NYAP1: variants seen among roughly 807,000 people sequenced by gnomAD.
The protein encoded by NYAP1 is neuronal tyrosine-phosphorylated phosphoinositide-3-kinase adapter 1.
In NYAP1, 20 loss-of-function variants were observed where a neutral mutation model predicts 58.6. The observed-to-expected ratio is 0.34, with a 90% CI of 0.24 to 0.50. The LOEUF is 0.50. NYAP1 is among the 20% of genes least tolerant of loss of function. NYAP1 has a pLI of 0.98. For synonymous variants in NYAP1, 572 were observed against 523.1 expected (o/e 1.09, Z -1.27); for missense variants, 1,150 against 1,194.5 (o/e 0.96, Z 0.55).
rs561287387 is a variant in NYAP1 at position 100,486,107 on chromosome 7, C to T, written c.69-714C>T. 5.3e-5 allele frequency among the ~76,000 whole-genome samples: 8 copies of T among 152,128 alleles called. No individual in the cohort carries two copies. Among genetic ancestry groups the T allele is most frequent in the Non-Finnish European group, 1.2e-4 (8 of 68,022 alleles). On this transcript the variant is annotated intron_variant, in intron 2 of 6. Transcript: ENST00000300179. This position sits in a 1 kb window ranked among gnomAD's most constrained non-coding sequence, Gnocchi z 6.2. Reference sequence around the variant, plus strand: ...AGATTAATCAGAGTGATCGCTGCAGCGATCTCTCCCTAATGAAGGGCTAGT... The same window carrying T: ...AGATTAATCAGAGTGATCGCTGCAGTGATCTCTCCCTAATGAAGGGCTAGT...
rs1159433194 is a variant in NYAP1, at chr7:100,490,711, G to A, written c.2140G>A (p.Ala714Thr). The A allele has an allele frequency of 2.6e-6, 4 of 1,516,078 alleles. No homozygotes were observed. Among genetic ancestry groups the A allele is most frequent in the Admixed American group, 2.1e-5 (1 of 47,826 alleles). The allele number at this position is 1,516,078 out of a possible 1,614,324, so 93.9% of individuals were successfully genotyped here. The change falls in exon 5 of 7, where the codon GCC becomes ACC. Residue 714 changes from alanine to threonine, a missense_variant. Physicochemically the swap from Ala to Thr is moderately conservative, Grantham distance 58. Coordinates refer to ENST00000300179, the MANE Select transcript of NYAP1 (RefSeq NM_173564.4). The surrounding 1 kb of genome is among the most constrained non-coding windows in gnomAD (Gnocchi z 4.6). The stretch of plus-strand genomic sequence containing the variant: ...GCCCATTCCCTGCCAGACCTTCCCC[G>A]CCTGCCACCGCAATGGAGGTGACGC... ...ALPIPCQTFP[A>T]CHRNGDFTGG...
chr7:100,487,272 C>A lies in NYAP1; in HGVS notation c.430+90C>A. On this transcript the variant is annotated intron_variant, in intron 3 of 6. Transcript: ENST00000300179. This position sits in a 1 kb window ranked among gnomAD's most constrained non-coding sequence, Gnocchi z 4.1. ...GGGAGGCTTGCCGGGAGGGTTCATT[C>A]AGGGAAGAACCAAGGAAGTGGAAGA... 7.5e-7 allele frequency: 1 copy of A among 1,324,712 alleles called. No homozygotes were observed. Among genetic ancestry groups the A allele is most frequent in the Non-Finnish European group, 1.0e-6 (1 of 1,003,276 alleles). The allele number at this position is 1,324,712 out of a possible 1,614,324, so 82.1% of individuals were successfully genotyped here.
In NYAP1 at chr7:100,489,475, T is replaced by A. The variant is rs201640030; in HGVS notation, c.1754T>A (p.Met585Lys). The A allele has an allele frequency of 6.2e-7, 1 of 1,612,968 alleles. No homozygotes were observed. The highest frequency in any genetic ancestry group is 8.5e-7 in the Non-Finnish European group (1 of 1,179,912). Residue 585 changes from methionine (M) to lysine (K), a missense_variant, in exon 4 of 7, where the codon ATG becomes AAG. Met to Lys is a moderately conservative substitution (Grantham distance 95). Coordinates refer to ENST00000300179, the MANE Select transcript of NYAP1 (RefSeq NM_173564.4). ...TGTGGTGTGGGGGCCCCATCCCCCATGGTCAAGATCCAGCTGCAGGAGCAA... is the reference window on the plus strand; with the variant it reads ...TGTGGTGTGGGGGCCCCATCCCCCAAGGTCAAGATCCAGCTGCAGGAGCAA... Reference protein sequence around the residue: ...KGCGVGAPSPMVKIQLQEQGT... With the variant: ...KGCGVGAPSPKVKIQLQEQGT...
At position 100,490,486 on chromosome 7, in the gene NYAP1, A is replaced by G; in HGVS notation, c.1946-31A>G. On this transcript the variant is annotated intron_variant, in intron 4 of 6. Transcript: ENST00000300179. This position sits in a 1 kb window ranked among gnomAD's most constrained non-coding sequence, Gnocchi z 4.6. Reference sequence around the variant, plus strand: ...GGACAGAATGACGCCTCCAACATGCAGGCACACAGCTCTCCTTGTCATCCC... The same window carrying G: ...GGACAGAATGACGCCTCCAACATGCGGGCACACAGCTCTCCTTGTCATCCC... 2 of 1,552,576 alleles carry G rather than the reference A, an allele frequency of 1.3e-6. No individual in the cohort carries two copies. The highest frequency in any genetic ancestry group is 1.7e-4 in the Middle Eastern group (1 of 5,990).
chr7:100,490,833 C>A lies in NYAP1; in HGVS notation c.2158+104C>A. 1 of 1,177,748 alleles carries A rather than the reference C, an allele frequency of 8.5e-7. No individual in the cohort carries two copies. The highest frequency in any genetic ancestry group is 1.2e-6 in the Non-Finnish European group (1 of 847,048). The allele number at this position is 1,177,748 out of a possible 1,614,324, so 73.0% of individuals were successfully genotyped here. On this transcript the variant is annotated intron_variant, in intron 5 of 6. Transcript: ENST00000300179. The surrounding 1 kb of genome is among the most constrained non-coding windows in gnomAD (Gnocchi z 4.6). ...TTCCTCTCACCTGTTCACGTCTGTGCCCAGGGCCCTAAATCCTCATACCAC... is the reference window on the plus strand; with the variant it reads ...TTCCTCTCACCTGTTCACGTCTGTGACCAGGGCCCTAAATCCTCATACCAC...
intron 6 of NYAP1, among the ~76,000 whole-genome samples, chr7:100,492,601 GA>G (rs769220822): frequency 5.9e-4 from 90 of 152,034 alleles, no homozygotes; most frequent in Non-Finnish European, 1.1e-3. Flanking sequence ...TGTCTCAAAA[GA>G]AATAAAAATA....
chr7:100,488,977 G>C lies in NYAP1; in HGVS notation c.1256G>C (p.Arg419Pro), dbSNP rs376633711. The change falls in exon 4 of 7, where the codon CGG becomes CCG. Residue 419 changes from arginine (R) to proline (P), a missense_variant. Physicochemically the swap from Arg to Pro is moderately radical, Grantham distance 103. Transcript: ENST00000300179. This position sits in a 1 kb window ranked among gnomAD's most constrained non-coding sequence, Gnocchi z 5.9. ...CCACCCCAGGGCTCTGGCCAGCCCC[G>C]GGGGGAGCGGGAGCTCCCCAACTCC... ...PLPPQGSGQP[R>P]GERELPNSHS... 1.9e-6 allele frequency: 3 copies of C among 1,572,928 alleles called. No homozygotes were observed. The highest frequency in any genetic ancestry group is 1.4e-5 in the African/African-American group (1 of 73,750).
chr7:100,489,097 C>G lies in NYAP1; in HGVS notation c.1376C>G (p.Ser459Cys). 1 of 1,573,278 alleles carries G rather than the reference C, an allele frequency of 6.4e-7. No homozygotes were observed. The change falls in exon 4 of 7, where the codon TCT becomes TGT. Residue 459 changes from serine (S) to cysteine (C), a missense_variant. Physicochemically the swap from Ser to Cys is moderately radical, Grantham distance 112. Coordinates refer to ENST00000300179, the MANE Select transcript of NYAP1 (RefSeq NM_173564.4). ...GGCCCCCCCAAGGACAAGGCCGTGTCTTACACCATGGTGTACTCGGCGGTC... is the reference window on the plus strand; with the variant it reads ...GGCCCCCCCAAGGACAAGGCCGTGTGTTACACCATGGTGTACTCGGCGGTC... ...LPGPPKDKAV[S>C]YTMVYSAVKV...
intron 1 of NYAP1, among the ~76,000 whole-genome samples, chr7:100,484,665 A>AC (rs889294306): frequency 2.0e-5 from 3 of 152,002 alleles, no homozygotes; most frequent in Non-Finnish European, 4.4e-5. Flanking sequence ...GGAGAGTCTG[A>AC]CCATCTCCCC....
Position 100,489,351 on chromosome 7 carries a change from C to A in NYAP1, c.1630C>A (p.Pro544Thr), listed in dbSNP as rs758856278. 1.9e-6 allele frequency: 3 copies of A among 1,611,670 alleles called. No homozygotes were observed. In the African/African-American group the frequency reaches 4.0e-5, roughly 22 times the overall value. ...CAGCCTTCCGGACCCAACTGTAGGC[C>A]CCCTGACCCCGCTGTGGACCTACCC... ...PHSLPDPTVGPLTPLWTYPAT... is the reference protein window; with the variant it reads ...PHSLPDPTVGTLTPLWTYPAT... Residue 544 changes from proline (P) to threonine (T), a missense_variant, in exon 4 of 7, where the codon CCC becomes ACC. By Grantham distance (38) the Pro-to-Thr change is conservative. Transcript: ENST00000300179.
In NYAP1 at chr7:100,487,300, C is replaced by A. The variant is rs1296474302; in HGVS notation, c.430+118C>A. 3 of 1,143,452 alleles carry A rather than the reference C, an allele frequency of 2.6e-6. No individual in the cohort carries two copies. The highest frequency in any genetic ancestry group is 3.5e-6 in the Non-Finnish European group (3 of 853,758). 70.8% of individuals were successfully genotyped at this position (1,143,452 alleles called of 1,614,324 possible). ...GGAAGAACCAAGGAAGTGGAAGATT[C>A]CATTCTCAAAAGGAATTGGGGGGGT... On this transcript the variant is annotated intron_variant, in intron 3 of 6. Transcript: ENST00000300179. This position sits in a 1 kb window ranked among gnomAD's most constrained non-coding sequence, Gnocchi z 4.1.
In NYAP1 at chr7:100,494,506, GAGA is replaced by G. The variant is rs1489467271; in HGVS notation, c.*609_*611del. On this transcript the variant is annotated 3_prime_UTR_variant, in exon 7 of 7. Transcript: ENST00000300179. ...GGGGTCTGCATGGGGAGTGGACCGA[GAGA>G]AGAAGGGGCCCAGGGAAGCAGAGGG... is the stretch of plus-strand genomic sequence containing the variant. 1 of 152,334 alleles carries G rather than the reference GAGA, an allele frequency of 6.6e-6. No individual in the cohort carries two copies. The highest frequency in any genetic ancestry group is 1.5e-5 in the Non-Finnish European group (1 of 68,120). 9.4% of individuals were successfully genotyped at this position (152,334 alleles called of 1,614,324 possible). A position where few individuals can be genotyped will look rare whatever the true frequency, so the allele number is the denominator to read the frequency against.
rs1425269235 is a variant in NYAP1 at position 100,490,498 on chromosome 7, C to T, written c.1946-19C>T. On this transcript the variant is annotated intron_variant, in intron 4 of 6. Coordinates refer to ENST00000300179, the MANE Select transcript of NYAP1 (RefSeq NM_173564.4). The surrounding 1 kb of genome is among the most constrained non-coding windows in gnomAD (Gnocchi z 4.6). ...GCCTCCAACATGCAGGCACACAGCT[C>T]TCCTTGTCATCCCAGCAGAGGTCGA... is the stretch of plus-strand genomic sequence containing the variant. The T allele has an allele frequency of 6.4e-7, 1 of 1,566,398 alleles. No individual in the cohort carries two copies. The highest frequency in any genetic ancestry group is 1.7e-4 in the Middle Eastern group (1 of 6,006).
rs1799773691 is a variant in NYAP1 at position 100,490,033 on chromosome 7, AG to A, written c.1945+369del. Among the ~76,000 whole-genome samples the A allele has an allele frequency of 6.6e-6, 1 of 151,930 alleles. No homozygotes were observed. Among genetic ancestry groups the A allele is most frequent in the Admixed American group, 6.6e-5 (1 of 15,256 alleles). ...GGCAACCCATCCAGACAGGAGGGAG[AG>A]GAGAGGGAGGCCCCTACCGTTGCCT... On this transcript the variant is annotated intron_variant, in intron 4 of 6. Transcript: ENST00000300179. The surrounding 1 kb of genome is among the most constrained non-coding windows in gnomAD (Gnocchi z 4.6).
chr7:100,485,334 C>A lies in NYAP1; in HGVS notation c.23C>A (p.Thr8Asn). 1.9e-6 allele frequency: 3 copies of A among 1,601,672 alleles called. No homozygotes were observed. Among genetic ancestry groups the A allele is most frequent in the Non-Finnish European group, 1.7e-6 (2 of 1,173,484 alleles). Residue 8 changes from threonine (T) to asparagine (N), a missense_variant, in exon 2 of 7, where the codon ACC (threonine) becomes AAC (asparagine). Transcript: ENST00000300179. The surrounding 1 kb of genome is among the most constrained non-coding windows in gnomAD (Gnocchi z 5.7). Reference sequence around the variant, plus strand: ...GAGATGAACCTCCTCTACCGAAAAACCAAGCTGGAGTGGAGGCAGCACAAG... The same window carrying A: ...GAGATGAACCTCCTCTACCGAAAAAACAAGCTGGAGTGGAGGCAGCACAAG... Reference protein sequence around the residue: MNLLYRKTKLEWRQHKEE... With the variant: MNLLYRKNKLEWRQHKEE...
chr7:100,493,632 C>A lies in NYAP1; in HGVS notation c.2269-14C>A. On this transcript the variant is annotated splice_polypyrimidine_tract_variant and intron_variant, in intron 6 of 6. Transcript: ENST00000300179. ...CTTACCCGCGTTTTCCTTTCTCCCC[C>A]GCCCGCGGCACAGCCCCACCCCGCG... 1 of 1,558,078 alleles carries A rather than the reference C, an allele frequency of 6.4e-7. No homozygotes were observed. Among genetic ancestry groups the A allele is most frequent in the Non-Finnish European group, 8.6e-7 (1 of 1,160,490 alleles).
chr7:100,485,227 G>T lies in NYAP1; in HGVS notation c.-84-1G>T. The stretch of plus-strand genomic sequence containing the variant: ...CCGTTCTCACCCACCCCGCCCGCCA[G>T]TGGATCCGGGACCCAGGGAGGGCCG... On this transcript the variant is annotated splice_acceptor_variant, in intron 1 of 6. Transcript: ENST00000300179. LOFTEE classifies it low-confidence loss of function (5UTR_SPLICE). This position sits in a 1 kb window ranked among gnomAD's most constrained non-coding sequence, Gnocchi z 5.7. The T allele has an allele frequency of 2.0e-6, 1 of 504,502 alleles. No homozygotes were observed. Among genetic ancestry groups the T allele is most frequent in the Non-Finnish European group, 3.7e-6 (1 of 271,338 alleles). 31.3% of individuals were successfully genotyped at this position (504,502 alleles called of 1,614,324 possible).
At position 100,486,182 on chromosome 7, in the gene NYAP1, T is replaced by C. The variant is rs10261511; in HGVS notation, c.69-639T>C. Among the ~76,000 whole-genome samples the C allele has an allele frequency of 6.2e-4, 95 of 152,180 alleles. No individual in the cohort carries two copies. The highest frequency in any genetic ancestry group is 2.2e-3 in the African/African-American group (90 of 41,520). ...CCCCACACAGCTCTCCTCTCTTCCC[T>C]GCCAGCCGCCCCCCCAACCCTCTGC... On this transcript the variant is annotated intron_variant, in intron 2 of 6. Transcript: ENST00000300179. This position sits in a 1 kb window ranked among gnomAD's most constrained non-coding sequence, Gnocchi z 6.2.
intron 4 of NYAP1, 105 bp downstream of exon 4, chr7:100,489,771 A>G: frequency 1.1e-6 from 1 of 877,846 alleles, no homozygotes; most frequent in South Asian, 1.8e-5. Context: ...TGGAAGTCAC[A>G]GCCTTGAGTC....
Sources: gnomAD v4.1 joint callset for allele counts (sites outside exome capture counted in the v4.1 genomes callset) on GRCh38, gnomAD v4.1.1 for gene constraint, Gnocchi (gnomAD v3.1) non-coding constraint, MANE v1.5 for transcripts, NCBI Gene and HGNC (gene_info 2026-07-23, HGNC 2026-07-21) for gene names.